The following TERF1 variants were observed in gnomAD, a reference collection of about 807,000 sequenced individuals.
TERF1 encodes the protein telomeric repeat binding factor 1.
TERF1 carries 20 observed loss-of-function variants against 55.1 expected under a neutral mutation model. That is an observed-to-expected ratio of 0.36 (90% CI 0.26 to 0.53). The LOEUF (loss-of-function observed/expected upper bound fraction) is 0.53. TERF1 is among the 20% of genes least tolerant of loss of function. TERF1 has a pLI of 0.91. For synonymous variants in TERF1, 168 were observed against 181.2 expected (o/e 0.93, Z 0.59); for missense variants, 439 against 535.7 (o/e 0.82, Z 1.78).
chr8:73,046,244 A>G lies in TERF1; in HGVS notation c.*107A>G, dbSNP rs1810028012. On this transcript the variant is annotated 3_prime_UTR_variant, in exon 10 of 10. Coordinates refer to ENST00000276603, the MANE Select transcript of TERF1 (RefSeq NM_017489.3). ...ATTTAAAACTTTTGTTTAAAGCATT[A>G]CAGTATTTTTCTGTGACCATCAATT... 8.0e-6 allele frequency: 8 copies of G among 1,005,480 alleles called. No homozygotes were observed. The highest frequency in any genetic ancestry group is 9.7e-6 in the Non-Finnish European group (7 of 718,566). 62.3% of individuals were successfully genotyped at this position (1,005,480 alleles called of 1,614,324 possible).
At chr8:73,015,459 T>C (rs967733402) in intron 2 of TERF1, among the ~76,000 whole-genome samples, 1 of 151,954 alleles carries the variant, frequency 6.6e-6, no homozygotes, top group African/African-American at 2.4e-5. Context: ...CCCAGTACTT[T>C]GGGAGGCCTA....
chr8:73,024,745 A>T, intron 4 of TERF1, 77 bp from the exon 5 acceptor site: 1 of 1,061,728 alleles, frequency 9.4e-7, no homozygotes, highest in Non-Finnish European at 1.3e-6. Context: ...CTTTTCAATT[A>T]AATAATATGT....
At chr8:73,029,701 T>C (rs1404527533) in intron 6 of TERF1, among the ~76,000 whole-genome samples, 1 of 152,094 alleles carries the variant, frequency 6.6e-6, no homozygotes, top group Admixed American at 6.5e-5. Flanking sequence ...TCTAACACAG[T>C]GTTGAAATAG....
chr8:73,028,225 C>T (rs867711699), intron 6 of TERF1, among the ~76,000 whole-genome samples: 1 of 152,106 alleles, frequency 6.6e-6, no homozygotes, highest in African/African-American at 2.4e-5. Context: ...TAGTGCTACC[C>T]ACTTATTTCA....
chr8:73,031,588 C>T (rs144566421), intron 7 of TERF1: 2 of 152,270 alleles, frequency 1.3e-5, no homozygotes, highest in African/African-American at 2.4e-5. Context: ...TTCCAAACAG[C>T]CTTACCTTTC....
At chr8:73,014,821 G>A (rs920966981) in intron 2 of TERF1, among the ~76,000 whole-genome samples, 1 of 152,166 alleles carries the variant, frequency 6.6e-6, no homozygotes, top group Admixed American at 6.5e-5. Flanking sequence ...GCTTTGTTTG[G>A]GGGGTGAGGG....
chr8:73,032,205 C>T lies in TERF1; in HGVS notation c.1039+72C>T. The T allele has an allele frequency of 3.7e-6, 4 of 1,075,446 alleles. No individual in the cohort carries two copies. The South Asian group carries it at 6.2e-5, about 17-fold the overall frequency. The allele number at this position is 1,075,446 out of a possible 1,614,324, so 66.6% of individuals were successfully genotyped here. A position where few individuals can be genotyped will look rare whatever the true frequency, so the allele number is the denominator to read the frequency against. ...TCAAACAATCCAGCCATTGACTTTA[C>T]CACTATAGCAAAAAAACACACACTT... On this transcript the variant is annotated intron_variant, in intron 8 of 9. Transcript: ENST00000276603.
intron 6 of TERF1, among the ~76,000 whole-genome samples, chr8:73,028,846 CTTAT>C (rs1388986824): frequency 6.6e-6 from 1 of 152,122 alleles, no homozygotes; most frequent in African/African-American, 2.4e-5. Context: ...TCGTTGGTAA[CTTAT>C]TTGTTTACCT....
rs1200015845 is a variant in TERF1 at position 73,037,066 on chromosome 8, TATA to T, written c.1040-2044_1040-2042del. ...GTACATAATATATAATTATAATATATATAATAATTATACTACATATAATATATA... is the reference window on the plus strand; with the variant it reads ...GTACATAATATATAATTATAATATATATAATTATACTACATATAATATATA... On this transcript the variant is annotated intron_variant, in intron 8 of 9. Transcript: ENST00000276603. Among the ~76,000 whole-genome samples, 12 of 136,590 alleles carry T rather than the reference TATA, an allele frequency of 8.8e-5. 1 individual carries two copies. The highest frequency in any genetic ancestry group is 4.3e-4 in the South Asian group (2 of 4,668). 89.6% of individuals were successfully genotyped at this position (136,590 alleles called of 152,430 possible).
chr8:73,045,919 A>T, intron 9 of TERF1, 42 bp from the exon 10 acceptor site: 1 of 1,420,082 alleles, frequency 7.0e-7, no homozygotes, highest in Admixed American at 2.7e-5. Context: ...TTCTTTTTGA[A>T]TAATTGTTTC....
chr8:73,039,299 A>T, intron 9 of TERF1, 80 bp downstream of exon 9: 1 of 1,020,216 alleles, frequency 9.8e-7, no homozygotes. Context: ...TTTCTGTTCA[A>T]CCTCCCCAAA....
Position 73,016,761 on chromosome 8 carries a change from T to C in TERF1, c.415+2771T>C, listed in dbSNP as rs143273289. Reference sequence around the variant, plus strand: ...GCCGTGGAACTCAGCACATGTCCTGTGGAGAAAAGCCAATCATGTTTGCAG... The same window carrying C: ...GCCGTGGAACTCAGCACATGTCCTGCGGAGAAAAGCCAATCATGTTTGCAG... On this transcript the variant is annotated intron_variant, in intron 2 of 9. Transcript: ENST00000276603. 4.9e-3 allele frequency among the ~76,000 whole-genome samples: 748 copies of C among 152,248 alleles called. 4 individuals carry two copies. Among genetic ancestry groups the C allele is most frequent in the Non-Finnish European group, 2.8e-3 (191 of 68,010 alleles).
At chr8:73,021,109 A>G (rs1184653465) in intron 3 of TERF1, among the ~76,000 whole-genome samples, 1 of 152,166 alleles carries the variant, frequency 6.6e-6, no homozygotes, top group Non-Finnish European at 1.5e-5. Context: ...TAAATTTTAG[A>G]TTTTTGTAAT....
chr8:73,020,631 A>G, intron 2 of TERF1, 53 bp from the exon 3 acceptor site: 3 of 1,518,540 alleles, frequency 2.0e-6, no homozygotes, highest in Non-Finnish European at 2.7e-6. Flanking sequence ...TTAAAAACTG[A>G]CAAAGTTCTA....
At chr8:73,043,048 A>G (rs1809897657) in intron 9 of TERF1, 1 of 152,184 alleles carries the variant, frequency 6.6e-6, no homozygotes, top group African/African-American at 2.4e-5. Context: ...AGTAGACTTT[A>G]TGAAATTGTA....
chr8:73,013,819 A>G (rs1032751669), intron 1 of TERF1, 76 bp from the exon 2 acceptor site: 57 of 809,904 alleles, frequency 7.0e-5, no homozygotes, highest in Middle Eastern at 2.4e-4. Flanking sequence ...TTTGTAGCCT[A>G]TTACTCAACA....
intron 8 of TERF1, among the ~76,000 whole-genome samples, chr8:73,036,808 A>G (rs1809530106): frequency 6.8e-6 from 1 of 146,764 alleles, no homozygotes; most frequent in South Asian, 2.1e-4. Flanking sequence ...TATCACTTTT[A>G]TTATTGTAGT....
At chr8:73,016,905 A>C (rs1440722692) in intron 2 of TERF1, among the ~76,000 whole-genome samples, 1 of 152,186 alleles carries the variant, frequency 6.6e-6, no homozygotes, top group Non-Finnish European at 1.5e-5. Flanking sequence ...GCCTTATCCA[A>C]AATCAGCAAA....
intron 8 of TERF1, among the ~76,000 whole-genome samples, chr8:73,037,934 T>TTA (rs112232195): frequency 2.5e-4 from 32 of 129,320 alleles, no homozygotes; most frequent in African/African-American, 8.8e-4. Context: ...TATATAAATA[T>TTA]TATATATATA....
Sources: gnomAD v4.1 joint callset for allele counts (sites outside exome capture counted in the v4.1 genomes callset) on GRCh38, gnomAD v4.1.1 for gene constraint, MANE v1.5 for transcripts, NCBI Gene and HGNC (gene_info 2026-07-23, HGNC 2026-07-21) for gene names.